The following PGBD5 variants were observed in gnomAD, a reference collection of about 807,000 sequenced individuals.
The protein encoded by PGBD5 is piggyBac transposable element-derived protein 5.
A neutral mutation model predicts 47.9 loss-of-function variants in PGBD5; 14 were observed. That is an observed-to-expected ratio of 0.29 (90% CI 0.19 to 0.46). The LOEUF is 0.46. PGBD5 is among the 20% of genes least tolerant of loss of function. PGBD5 has a pLI of 1.00. For missense variants in PGBD5, 635 were observed against 716.0 expected (o/e 0.89, Z 1.29); for synonymous variants, 316 against 306.3 (o/e 1.03, Z -0.33).
intron 3 of PGBD5, among the ~76,000 whole-genome samples, chr1:230,348,945 T>C (rs954623946): frequency 1.3e-5 from 2 of 152,188 alleles, no homozygotes; most frequent in African/African-American, 4.8e-5. Flanking sequence ...TGACTGGGAG[T>C]TGTCAGCTTC....
intron 4 of PGBD5, among the ~76,000 whole-genome samples, chr1:230,333,875 A>C (rs1382714693): frequency 1.3e-5 from 2 of 152,152 alleles, no homozygotes; most frequent in Admixed American, 6.5e-5. Flanking sequence ...TCTGGACTCA[A>C]GGCCTTTCAG....
intron 1 of PGBD5, among the ~76,000 whole-genome samples, chr1:230,422,767 A>G (rs2102757432): frequency 6.6e-6 from 1 of 152,300 alleles, no homozygotes; most frequent in Non-Finnish European, 1.5e-5. Flanking sequence ...GAAGACAAGA[A>G]CAGCCTGAAG....
At chr1:230,377,198 C>T (rs1323606627) in intron 1 of PGBD5, among the ~76,000 whole-genome samples, 1 of 152,122 alleles carries the variant, frequency 6.6e-6, no homozygotes, top group African/African-American at 2.4e-5. Flanking sequence ...GAAGCAAATG[C>T]CTTGAGATAA....
intron 3 of PGBD5, among the ~76,000 whole-genome samples, chr1:230,338,567 A>C (rs1001614317): frequency 6.6e-6 from 1 of 152,196 alleles, no homozygotes; most frequent in Non-Finnish European, 1.5e-5. Flanking sequence ...TGGGAGGCTG[A>C]GGTGAGTGAT....
chr1:230,374,945 C>T (rs1667988219), intron 1 of PGBD5, among the ~76,000 whole-genome samples: 1 of 152,192 alleles, frequency 6.6e-6, no homozygotes, highest in Admixed American at 6.5e-5. Context: ...GGGGTCCAGG[C>T]CGTGGCCCTC....
chr1:230,331,273 G>A (rs540343901), intron 5 of PGBD5, among the ~76,000 whole-genome samples: 4 of 152,102 alleles, frequency 2.6e-5, no homozygotes, highest in Admixed American at 6.5e-5. Context: ...AACATTAGCC[G>A]GGCGCAGCGG....
At position 230,425,733 on chromosome 1, in the gene PGBD5, G is replaced by A. The variant is rs1657763186; in HGVS notation, c.196C>T (p.Pro66Ser). ...SAASSDDERE[P>S]PGPPGAAPPP... ...GGGGCGGCCCCTGGGGGTCCCGGGG[G>A]CTCGCGCTCGTCGTCCGAGGAGGCG... is the stretch of plus-strand genomic sequence containing the variant. Residue 66 changes from proline to serine, a missense_variant, in exon 1 of 7, where the codon CCC becomes TCC. Physicochemically the swap from Pro to Ser is moderately conservative, Grantham distance 74. Coordinates refer to ENST00000391860, the MANE Select transcript of PGBD5 (RefSeq NM_001258311.2). This position sits in a 1 kb window ranked among gnomAD's most constrained non-coding sequence, Gnocchi z 4.7. 26 of 1,212,028 alleles carry A rather than the reference G, an allele frequency of 2.1e-5. No individual in the cohort carries two copies. Among genetic ancestry groups the A allele is most frequent in the Non-Finnish European group, 2.6e-5 (25 of 975,482 alleles). The allele number at this position is 1,212,028 out of a possible 1,614,324, so 75.1% of individuals were successfully genotyped here. A position where few individuals can be genotyped will look rare whatever the true frequency, so the allele number is the denominator to read the frequency against.
At chr1:230,344,499 C>A (rs1392186144) in intron 3 of PGBD5, among the ~76,000 whole-genome samples, 1 of 152,198 alleles carries the variant, frequency 6.6e-6, no homozygotes, top group Non-Finnish European at 1.5e-5. Flanking sequence ...CAGAGCCTGG[C>A]CCACAACACA....
intron 1 of PGBD5, among the ~76,000 whole-genome samples, chr1:230,402,756 G>C (rs1657173039): frequency 6.6e-6 from 1 of 152,174 alleles, no homozygotes; most frequent in African/African-American, 2.4e-5. Flanking sequence ...CCAAAGCACT[G>C]GGTTGATAGG....
intron 1 of PGBD5, among the ~76,000 whole-genome samples, chr1:230,397,537 G>A (rs1657016170): frequency 6.6e-6 from 1 of 152,168 alleles, no homozygotes; most frequent in African/African-American, 2.4e-5. Context: ...AGCAAGAGGA[G>A]ATTTAAGAAT....
At chr1:230,389,900 C>A (rs1304385379) in intron 1 of PGBD5, among the ~76,000 whole-genome samples, 1 of 152,090 alleles carries the variant, frequency 6.6e-6, no homozygotes, top group Non-Finnish European at 1.5e-5. Flanking sequence ...TCACCCTGTC[C>A]CAAAGTGACA....
At chr1:230,352,237 C>T (rs556531705) in intron 2 of PGBD5, among the ~76,000 whole-genome samples, 25 of 152,286 alleles carry the variant, frequency 1.6e-4, no homozygotes, top group Admixed American at 6.5e-4. Context: ...ACTGACAACA[C>T]GCAACAGTGA....
intron 1 of PGBD5, among the ~76,000 whole-genome samples, chr1:230,375,793 G>A (rs1225277138): frequency 6.6e-6 from 1 of 151,520 alleles, no homozygotes; most frequent in Non-Finnish European, 1.5e-5. Context: ...GCAGCTGTCA[G>A]GAGCACTTCT....
chr1:230,354,320 GC>G (rs201730968), intron 2 of PGBD5, among the ~76,000 whole-genome samples: 1,588 of 152,110 alleles, frequency 0.01, 25 homozygotes, highest in African/African-American at 0.036. Flanking sequence ...TTCTCTGTTT[GC>G]CCCCCAGGGT....
intron 1 of PGBD5, among the ~76,000 whole-genome samples, chr1:230,417,564 C>T (rs148701286): frequency 6.6e-6 from 1 of 152,266 alleles, no homozygotes; most frequent in African/African-American, 2.4e-5. Flanking sequence ...CTTCTCTCCC[C>T]TTTGCTCAAA....
At chr1:230,353,943 A>G (rs1667596794) in intron 2 of PGBD5, among the ~76,000 whole-genome samples, 1 of 152,212 alleles carries the variant, frequency 6.6e-6, no homozygotes, top group African/African-American at 2.4e-5. Flanking sequence ...TGAGAAGAGC[A>G]TAAATGCAGG....
intron 1 of PGBD5, among the ~76,000 whole-genome samples, chr1:230,375,832 T>G (rs1183680272): frequency 2.0e-5 from 3 of 151,846 alleles, no homozygotes; most frequent in Non-Finnish European, 4.4e-5. Flanking sequence ...TTGTTTTGTT[T>G]TGTTTTAATC....
Position 230,426,290 on chromosome 1 carries a change from C to CCTCCCTGCCCGCCCT in PGBD5, c.-377_-363dup, listed in dbSNP as rs1290169364. ...CGCTGCGTCTCCTCGGCGCCCGCCG[C>CCTCCCTGCCCGCCCT]CTCCCTGCCCGCCCTCTCCACGGCC... On this transcript the variant is annotated 5_prime_UTR_variant, in exon 1 of 7. Coordinates refer to ENST00000391860, the MANE Select transcript of PGBD5 (RefSeq NM_001258311.2). 3 of 150,822 alleles carry CCTCCCTGCCCGCCCT rather than the reference C, an allele frequency of 2.0e-5. No individual in the cohort carries two copies. The highest frequency in any genetic ancestry group is 4.4e-5 in the Non-Finnish European group (3 of 68,232). The allele number at this position is 150,822 out of a possible 1,614,324, so 9.3% of individuals were successfully genotyped here.
intron 3 of PGBD5, among the ~76,000 whole-genome samples, chr1:230,337,866 A>T (rs988970778): frequency 1.1e-4 from 17 of 152,194 alleles, no homozygotes; most frequent in African/African-American, 4.1e-4. Context: ...GCAATTTTTA[A>T]ACGTCGTTTC....
Sources: allele counts gnomAD v4.1 joint callset (sites outside exome capture counted in the v4.1 genomes callset), GRCh38; gene constraint gnomAD v4.1.1; non-coding constraint Gnocchi (gnomAD v3.1); transcripts MANE v1.5; gene names NCBI Gene and HGNC (gene_info 2026-07-23, HGNC 2026-07-21).